CCDC3: variants seen among roughly 807,000 people sequenced by gnomAD.
CCDC3 encodes the protein coiled-coil domain containing 3, also known as coiled-coil domain-containing protein 3.
CCDC3 carries 24 observed loss-of-function variants against 21.4 expected under a neutral mutation model. The ratio of observed to expected loss-of-function variants is 1.12; its 90% CI spans 0.81 to 1.58. The LOEUF (loss-of-function observed/expected upper bound fraction) is 1.58. CCDC3 is among the 40% of genes most tolerant of loss of function. The pLI is 0.00. For synonymous variants in CCDC3, 186 were observed against 166.0 expected, an observed-to-expected ratio of 1.12 and a Z score of -0.93; for missense variants, 425 against 360.9, an observed-to-expected ratio of 1.18 and a Z score of -1.44.
intron 2 of CCDC3, among the ~76,000 whole-genome samples, chr10:12,948,423 A>G (rs1834953540): frequency 6.6e-6 from 1 of 152,014 alleles, no homozygotes; most frequent in South Asian, 2.1e-4. Flanking sequence ...CATGTGTGAT[A>G]TCATGGTGAA....
chr10:12,923,213 T>G (rs937613865), intron 2 of CCDC3, among the ~76,000 whole-genome samples: 3 of 152,142 alleles, frequency 2.0e-5, no homozygotes, highest in Admixed American at 6.5e-5. Context: ...GTTCGTCTGT[T>G]TGGGGAACAC....
intron 2 of CCDC3, among the ~76,000 whole-genome samples, chr10:12,982,628 T>A (rs1253283167): frequency 6.7e-6 from 1 of 148,484 alleles, no homozygotes; most frequent in Non-Finnish European, 1.5e-5. Context: ...ATCCCATCTC[T>A]ACTAAAAATA....
chr10:12,941,383 T>C (rs879833399), intron 2 of CCDC3, among the ~76,000 whole-genome samples: 1 of 151,790 alleles, frequency 6.6e-6, no homozygotes, highest in Admixed American at 6.6e-5. Flanking sequence ...GCCATTCTTT[T>C]ATTCTTGTAC....
chr10:12,979,975 G>A (rs921993173), intron 2 of CCDC3, among the ~76,000 whole-genome samples: 7 of 152,160 alleles, frequency 4.6e-5, no homozygotes, highest in African/African-American at 1.7e-4. Flanking sequence ...TGCATTTAAG[G>A]TCAAAAGAGC....
intron 5 of CCDC3, among the ~76,000 whole-genome samples, chr10:13,038,198 GC>G (rs1564328897): frequency 6.6e-6 from 1 of 152,062 alleles, no homozygotes; most frequent in East Asian, 1.9e-4. Flanking sequence ...ACACACTGGG[GC>G]CTATCAGAGG....
intron 2 of CCDC3, among the ~76,000 whole-genome samples, chr10:12,945,460 T>C (rs1834901689): frequency 6.6e-6 from 1 of 152,048 alleles, no homozygotes; most frequent in Admixed American, 6.6e-5. Flanking sequence ...TGTAGGATGC[T>C]TGTAAAAGTA....
chr10:12,897,301 A>C lies in CCDC3; in HGVS notation c.*1115T>G, dbSNP rs1588994253. On this transcript the variant is annotated 3_prime_UTR_variant, in exon 3 of 3. Coordinates refer to ENST00000378825, the MANE Select transcript of CCDC3 (RefSeq NM_031455.4). ...AGTGAATACTCTCATTTTTACTTAT[A>C]GTAGTGTCTTAAAAGTTTTATTTCC... 2 of 152,382 alleles carry C rather than the reference A, an allele frequency of 1.3e-5. No homozygotes were observed. Among genetic ancestry groups the C allele is most frequent in the East Asian group, 1.9e-4 (1 of 5,188 alleles). 9.4% of individuals were successfully genotyped at this position (152,382 alleles called of 1,614,324 possible).
At chr10:12,986,578 C>T (rs1276997411) in intron 2 of CCDC3, among the ~76,000 whole-genome samples, 26 of 152,238 alleles carry the variant, frequency 1.7e-4, no homozygotes, top group Admixed American at 7.8e-4. Context: ...ATGGAAACCA[C>T]TCTAGCTAAC....
chr10:12,954,633 C>A (rs559907020), intron 2 of CCDC3, among the ~76,000 whole-genome samples: 15 of 152,068 alleles, frequency 9.9e-5, no homozygotes, highest in Admixed American at 4.6e-4. Flanking sequence ...TTTTAATAAC[C>A]AGCTTTCATA....
intron 3 of CCDC3, among the ~76,000 whole-genome samples, chr10:13,093,783 G>C (rs1404977724): frequency 6.6e-6 from 1 of 152,078 alleles, no homozygotes; most frequent in Non-Finnish European, 1.5e-5. Context: ...AAATAAGTGA[G>C]ATGGAAAAAA....
intron 3 of CCDC3, among the ~76,000 whole-genome samples, chr10:13,084,718 C>A (rs1400817386): frequency 6.6e-6 from 1 of 152,118 alleles, no homozygotes; most frequent in Non-Finnish European, 1.5e-5. Flanking sequence ...ATTGTGAGAT[C>A]CTGATTTTGA....
At chr10:12,908,552 A>T (rs1468744510) in intron 2 of CCDC3, among the ~76,000 whole-genome samples, 1 of 152,052 alleles carries the variant, frequency 6.6e-6, no homozygotes, top group Non-Finnish European at 1.5e-5. Context: ...TTTTTCTAGA[A>T]CTACCAAGGG....
At chr10:13,038,744 T>G (rs770974229) in intron 5 of CCDC3, among the ~76,000 whole-genome samples, 4 of 152,226 alleles carry the variant, frequency 2.6e-5, no homozygotes, top group Non-Finnish European at 5.9e-5. Flanking sequence ...GTGTAGCACC[T>G]TGTTCCAGGC....
At chr10:12,935,636 TTACAGTA>T (rs1322870128) in intron 2 of CCDC3, among the ~76,000 whole-genome samples, 1 of 152,140 alleles carries the variant, frequency 6.6e-6, no homozygotes, top group Non-Finnish European at 1.5e-5. Flanking sequence ...GTCCTAGAGT[TTACAGTA>T]TACACATACA....
At chr10:12,994,421 A>AAAAAAAAAC (rs1564313193) in intron 2 of CCDC3, among the ~76,000 whole-genome samples, 4 of 148,352 alleles carry the variant, frequency 2.7e-5, no homozygotes, top group African/African-American at 1.1e-4. Flanking sequence ...AACAAAAAAA[A>AAAAAAAAAC]AAAACACCCA....
chr10:12,902,707 T>A (rs1045721593), intron 2 of CCDC3, among the ~76,000 whole-genome samples: 1 of 152,180 alleles, frequency 6.6e-6, no homozygotes, highest in East Asian at 1.9e-4. Flanking sequence ...ATGCTGGGAC[T>A]TGAGTGATCA....
At chr10:12,971,373 T>C (rs1835341079) in intron 2 of CCDC3, among the ~76,000 whole-genome samples, 1 of 152,198 alleles carries the variant, frequency 6.6e-6, no homozygotes, top group South Asian at 2.1e-4. Context: ...GGCCACAAAT[T>C]GGTCTTTGAG....
At chr10:12,987,999 G>T (rs532632156) in intron 2 of CCDC3, among the ~76,000 whole-genome samples, 2 of 150,408 alleles carry the variant, frequency 1.3e-5, no homozygotes, top group Non-Finnish European at 2.9e-5. Flanking sequence ...TCACTCAGCT[G>T]CCAGAGTGTT....
At chr10:12,944,194 G>C (rs182291260) in intron 2 of CCDC3, among the ~76,000 whole-genome samples, 4 of 152,226 alleles carry the variant, frequency 2.6e-5, no homozygotes, top group African/African-American at 9.6e-5. Context: ...TCTCTCTCAT[G>C]GGGGAAACTT....
Sources: allele counts gnomAD v4.1 joint callset (sites outside exome capture counted in the v4.1 genomes callset), GRCh38; gene constraint gnomAD v4.1.1; transcripts MANE v1.5; gene names NCBI Gene and HGNC (gene_info 2026-07-23, HGNC 2026-07-21).